Variants in TRAPPC9 observed in about 807,000 individuals in gnomAD.
TRAPPC9 encodes the protein trafficking protein particle complex subunit 9, also known as IKK2 binding protein.
A neutral mutation model predicts 124.0 loss-of-function variants in TRAPPC9; 83 were observed. That is an observed-to-expected ratio of 0.67 (90% confidence interval 0.56 to 0.80). The LOEUF is 0.80. TRAPPC9 is among the 30% of genes least tolerant of loss of function. TRAPPC9 has a pLI of 0.00. For synonymous variants in TRAPPC9, 638 were observed against 617.5 expected (o/e 1.03, Z -0.49); for missense variants, 1,302 against 1,508.3 (o/e 0.86, Z 2.27).
intron 18 of TRAPPC9, among the ~76,000 whole-genome samples, chr8:140,006,082 G>A (rs1265333551): frequency 3.3e-5 from 5 of 152,120 alleles, no homozygotes; most frequent in Admixed American, 3.3e-4. Flanking sequence ...CTTGTCCTAG[G>A]GGACAAAGGT....
At chr8:139,918,925 T>C (rs1302943054) in intron 19 of TRAPPC9, among the ~76,000 whole-genome samples, 1 of 152,086 alleles carries the variant, frequency 6.6e-6, no homozygotes, top group Non-Finnish European at 1.5e-5. Context: ...AGTTTTTCCA[T>C]CTTAACGGGA....
chr8:140,324,140 G>A (rs983404266), intron 9 of TRAPPC9, among the ~76,000 whole-genome samples: 3 of 152,148 alleles, frequency 2.0e-5, no homozygotes, highest in East Asian at 3.9e-4. Flanking sequence ...GAGAACATAC[G>A]ATGTTTGATT....
chr8:140,382,151 T>G (rs1197436258), intron 7 of TRAPPC9, among the ~76,000 whole-genome samples: 2 of 152,086 alleles, frequency 1.3e-5, no homozygotes, highest in African/African-American at 4.8e-5. Flanking sequence ...TAAGAAGGAA[T>G]GAAGTGGCGG....
At chr8:139,846,343 G>A (rs1827082481) in intron 21 of TRAPPC9, among the ~76,000 whole-genome samples, 1 of 152,200 alleles carries the variant, frequency 6.6e-6, no homozygotes, top group South Asian at 2.1e-4. Context: ...GTGGGGATCA[G>A]GATAACACTT....
chr8:139,973,935 G>A (rs919885623), intron 19 of TRAPPC9, among the ~76,000 whole-genome samples: 4 of 152,170 alleles, frequency 2.6e-5, no homozygotes, highest in African/African-American at 9.7e-5. Flanking sequence ...CTGGGAGGGA[G>A]AAATGATCTA....
At chr8:140,345,071 G>A (rs6991480) in intron 9 of TRAPPC9, among the ~76,000 whole-genome samples, 79,549 of 152,122 alleles carry the variant, frequency 0.52, 21,169 homozygotes, top group East Asian at 0.66. Context: ...CAGGGTGGGC[G>A]GGTCGACAGT....
At chr8:139,849,868 T>C (rs892641196) in intron 21 of TRAPPC9, among the ~76,000 whole-genome samples, 1 of 152,246 alleles carries the variant, frequency 6.6e-6, no homozygotes, top group African/African-American at 2.4e-5. Flanking sequence ...CACTTCGCCC[T>C]GGCTCAGAAC....
intron 17 of TRAPPC9, among the ~76,000 whole-genome samples, chr8:140,159,952 A>G (rs189218141): frequency 6.6e-6 from 1 of 152,342 alleles, no homozygotes; most frequent in Admixed American, 6.5e-5. Context: ...AAACAAATTT[A>G]TAAGAAAAAA....
At chr8:140,441,050 C>T (rs2070999655) in intron 2 of TRAPPC9, among the ~76,000 whole-genome samples, 1 of 144,962 alleles carries the variant, frequency 6.9e-6, no homozygotes, top group South Asian at 2.2e-4. Flanking sequence ...ACAATCACAG[C>T]TCACTGCAAC....
intron 21 of TRAPPC9, among the ~76,000 whole-genome samples, chr8:139,877,879 G>A (rs143101951): frequency 1.5e-4 from 23 of 152,316 alleles, no homozygotes; most frequent in Non-Finnish European, 7.3e-5. Flanking sequence ...GACTCACCAC[G>A]AGGGTGCAGC....
rs74748600 is a variant in TRAPPC9, at chr8:140,249,055, G to A, written c.2431+3722C>T. Among the ~76,000 whole-genome samples, 789 of 152,088 alleles carry A rather than the reference G, an allele frequency of 5.2e-3. 6 individuals carry two copies. Among genetic ancestry groups the A allele is most frequent in the African/African-American group, 0.018 (750 of 41,462 alleles). On this transcript the variant is annotated intron_variant, in intron 16 of 22. Coordinates refer to ENST00000438773, the MANE Select transcript of TRAPPC9 (RefSeq NM_001160372.4). ...TTTCAACTTTTATTTTAGATTTAGC[G>A]GGTACGTGTTCAGGTTTGTTACATG... is the stretch of plus-strand genomic sequence containing the variant.
In TRAPPC9 at chr8:140,310,661, A is replaced by G. The variant is rs541798798; in HGVS notation, c.1622+587T>C. 8.5e-5 allele frequency among the ~76,000 whole-genome samples: 13 copies of G among 152,298 alleles called. No individual in the cohort carries two copies. The South Asian group carries it at 2.7e-3, about 32-fold the overall frequency. On this transcript the variant is annotated intron_variant, in intron 10 of 22. Transcript: ENST00000438773. Reference sequence around the variant, plus strand: ...ACATGGCAGCAAATCCTGGGAGAGCAGTGAGCAATGGGTGCCATGGAAACT... The same window carrying G: ...ACATGGCAGCAAATCCTGGGAGAGCGGTGAGCAATGGGTGCCATGGAAACT...
intron 18 of TRAPPC9, among the ~76,000 whole-genome samples, chr8:140,021,284 C>T (rs1488893466): frequency 6.6e-6 from 1 of 152,102 alleles, no homozygotes; most frequent in Admixed American, 6.5e-5. Flanking sequence ...GTGGATTGCT[C>T]CAGAGTTTGC....
At chr8:140,201,680 C>T (rs529201829) in intron 17 of TRAPPC9, among the ~76,000 whole-genome samples, 1 of 152,296 alleles carries the variant, frequency 6.6e-6, no homozygotes, top group Admixed American at 6.5e-5. Context: ...TACAGTCATA[C>T]TCTGAGTCAT....
chr8:140,364,324 G>C (rs543138428), intron 8 of TRAPPC9, among the ~76,000 whole-genome samples: 8 of 135,092 alleles, frequency 5.9e-5, no homozygotes, highest in Admixed American at 5.1e-4. Context: ...GAACCGAAAA[G>C]CAATTTAAAT....
At chr8:140,428,064 G>A (rs940330676) in intron 4 of TRAPPC9, among the ~76,000 whole-genome samples, 1 of 152,162 alleles carries the variant, frequency 6.6e-6, no homozygotes, top group Admixed American at 6.5e-5. Flanking sequence ...CTGAGCAGAC[G>A]TTCAGCTGCA....
intron 9 of TRAPPC9, among the ~76,000 whole-genome samples, chr8:140,347,179 C>T (rs2067374401): frequency 1.3e-5 from 2 of 152,224 alleles, no homozygotes; most frequent in Admixed American, 1.3e-4. Context: ...GAGAAGCTGA[C>T]ATGGGCTCCA....
intron 7 of TRAPPC9, among the ~76,000 whole-genome samples, chr8:140,388,372 T>TAAA (rs752164773): frequency 1.5e-5 from 2 of 129,116 alleles, no homozygotes; most frequent in African/African-American, 2.8e-5. Flanking sequence ...GAACTTACAG[T>TAAA]AAAAAAAAAA....
chr8:140,085,951 G>T (rs887139332), intron 17 of TRAPPC9, among the ~76,000 whole-genome samples: 3 of 152,094 alleles, frequency 2.0e-5, no homozygotes, highest in Non-Finnish European at 2.9e-5. Context: ...AATCACTGTG[G>T]TTTTTTCTAA....
Sources: allele counts gnomAD v4.1 joint callset (sites outside exome capture counted in the v4.1 genomes callset), GRCh38; gene constraint gnomAD v4.1.1; transcripts MANE v1.5; gene names NCBI Gene and HGNC (gene_info 2026-07-23, HGNC 2026-07-21).